LRRC75A: variants seen among roughly 807,000 people sequenced by gnomAD.
The protein encoded by LRRC75A is leucine rich repeat containing 75A, also known as leucine-rich repeat-containing protein 75A.
A neutral mutation model predicts 26.0 loss-of-function variants in LRRC75A; 12 were observed. That is an observed-to-expected ratio of 0.46 (90% confidence interval 0.30 to 0.75). The LOEUF is 0.75. Among genes scored for constraint, LRRC75A ranks in the 30% least tolerant of loss-of-function variants. The pLI is 0.08. For synonymous variants in LRRC75A, 223 were observed against 219.3 expected (o/e 1.02, Z -0.15); for missense variants, 410 against 486.6 (o/e 0.84, Z 1.48).
At chr17:16,453,954 G>A (rs1311572200) in intron 2 of LRRC75A, among the ~76,000 whole-genome samples, 1 of 152,170 alleles carries the variant, frequency 6.6e-6, no homozygotes, top group African/African-American at 2.4e-5. Context: ...CAGAGGGGTA[G>A]GAAGGAACAC....
chr17:16,447,801 C>T (rs1417903561), intron 3 of LRRC75A, 44 bp downstream of exon 3: 3 of 1,417,462 alleles, frequency 2.1e-6, no homozygotes, highest in East Asian at 2.5e-5. Context: ...CCCTGTAACA[C>T]ACACTCAGCC....
intron 2 of LRRC75A, among the ~76,000 whole-genome samples, chr17:16,456,568 G>C (rs936938996): frequency 2.0e-5 from 3 of 152,160 alleles, no homozygotes; most frequent in Admixed American, 6.5e-5. Context: ...ACCCTGAGAA[G>C]TAACCTGGGA....
At chr17:16,487,699 T>C (rs2093849794) in intron 1 of LRRC75A, among the ~76,000 whole-genome samples, 1 of 152,202 alleles carries the variant, frequency 6.6e-6, no homozygotes, top group South Asian at 2.1e-4. Context: ...CCTCCTAAAG[T>C]ACTGGGATTA....
At chr17:16,452,313 C>T (rs568164359) in intron 2 of LRRC75A, among the ~76,000 whole-genome samples, 1 of 151,366 alleles carries the variant, frequency 6.6e-6, no homozygotes, top group Admixed American at 6.5e-5. Flanking sequence ...CGTGATCACA[C>T]CTCTGCACTC....
chr17:16,485,631 A>AGTGTGTGTGTGTGTGTGTGTGTGTCTGT (rs1568987867), intron 1 of LRRC75A, among the ~76,000 whole-genome samples: 43 of 128,478 alleles, frequency 3.3e-4, no homozygotes, highest in Non-Finnish European at 3.6e-4. Context: ...CAGGACAAGC[A>AGTGTGTGTGTGTGTGTGTGTGTGTCTGT]GTGTGTGTGT....
At chr17:16,453,342 G>A (rs113044039) in intron 2 of LRRC75A, among the ~76,000 whole-genome samples, 3 of 129,106 alleles carry the variant, frequency 2.3e-5, no homozygotes, top group East Asian at 2.0e-4. Context: ...ACGCACACAC[G>A]CACACGCACA....
chr17:16,445,158 A>ATT (rs766449990), intron 3 of LRRC75A, among the ~76,000 whole-genome samples: 4,177 of 69,634 alleles, frequency 0.06, 562 homozygotes, highest in Middle Eastern at 0.22. Flanking sequence ...CATTTTCTGC[A>ATT]TTTTTTTTTT....
chr17:16,482,676 C>T (rs1056477902), intron 1 of LRRC75A, among the ~76,000 whole-genome samples: 9 of 152,242 alleles, frequency 5.9e-5, no homozygotes, highest in African/African-American at 1.9e-4. Flanking sequence ...GCCCCCATGG[C>T]CAGAGACAAG....
chr17:16,452,243 G>C (rs1163790051), intron 2 of LRRC75A, among the ~76,000 whole-genome samples: 7 of 146,688 alleles, frequency 4.8e-5, no homozygotes, highest in African/African-American at 1.8e-4. Flanking sequence ...TGCAGTCCCA[G>C]CTACCCGGGA....
chr17:16,462,291 G>C lies in LRRC75A; in HGVS notation c.342C>G (p.Ile114Met). The change falls in exon 2 of 4, where the codon ATC (isoleucine) becomes ATG (methionine). Residue 114 changes from isoleucine (I) to methionine (M), a missense_variant. Ile to Met is a conservative substitution (Grantham distance 10). Coordinates refer to ENST00000470794, the MANE Select transcript of LRRC75A (RefSeq NM_001113567.3). The surrounding 1 kb of genome is among the most constrained non-coding windows in gnomAD (Gnocchi z 4.6). Reference protein sequence around the residue: ...LVDPITHDLIISLARYIHCPK... With the variant: ...LVDPITHDLIMSLARYIHCPK... ...GACAGTGGATGTAGCGTGCCAGGCTGATGATGAGGTCGTGTGTGATGGGGT... is the reference window on the plus strand; with the variant it reads ...GACAGTGGATGTAGCGTGCCAGGCTCATGATGAGGTCGTGTGTGATGGGGT... 6.2e-7 allele frequency: 1 copy of C among 1,614,138 alleles called. No homozygotes were observed. The highest frequency in any genetic ancestry group is 8.5e-7 in the Non-Finnish European group (1 of 1,180,008).
At position 16,476,572 on chromosome 17, in the gene LRRC75A, C is replaced by CT. The variant is rs1049920765; in HGVS notation, c.247-14187dup. Among the ~76,000 whole-genome samples the CT allele has an allele frequency of 3.9e-3, 572 of 145,696 alleles. 2 individuals carry two copies. Among genetic ancestry groups the CT allele is most frequent in the African/African-American group, 0.012 (491 of 39,778 alleles). ...TTTCACATGTAGGTATTTCAGATTT[C>CT]TTTTTTTTTTGAGGCTGAATTTCAC... On this transcript the variant is annotated intron_variant, in intron 1 of 3. Coordinates refer to ENST00000470794, the MANE Select transcript of LRRC75A (RefSeq NM_001113567.3).
At chr17:16,472,198 A>G (rs1457601599) in intron 1 of LRRC75A, among the ~76,000 whole-genome samples, 1 of 152,116 alleles carries the variant, frequency 6.6e-6, no homozygotes, top group Non-Finnish European at 1.5e-5. Flanking sequence ...GGTGGCCACT[A>G]AGGGTTGCCC....
At chr17:16,454,472 A>G (rs1191791485) in intron 2 of LRRC75A, among the ~76,000 whole-genome samples, 1 of 151,934 alleles carries the variant, frequency 6.6e-6, no homozygotes, top group East Asian at 1.9e-4. Context: ...GGGGCGGATC[A>G]CCTGAGGTTG....
intron 1 of LRRC75A, among the ~76,000 whole-genome samples, chr17:16,468,924 G>C (rs2093789610): frequency 6.6e-6 from 1 of 152,150 alleles, no homozygotes; most frequent in Admixed American, 6.5e-5. Context: ...ATAGGAGGGG[G>C]CAGGGGAGGG....
intron 1 of LRRC75A, among the ~76,000 whole-genome samples, chr17:16,483,858 C>T (rs1481169261): frequency 2.0e-5 from 3 of 152,200 alleles, no homozygotes; most frequent in African/African-American, 7.2e-5. Flanking sequence ...CCTGTTGCAT[C>T]CCCAGTTCCT....
chr17:16,487,872 C>T (rs79029986), intron 1 of LRRC75A, among the ~76,000 whole-genome samples: 1 of 152,352 alleles, frequency 6.6e-6, no homozygotes, highest in East Asian at 1.9e-4. Context: ...AACAAGTTAA[C>T]ATAGGAACAG....
Position 16,441,727 on chromosome 17 carries a change from A to C in LRRC75A, c.*1861T>G. ...TACAGCTCACAGCACACCTGGCTAAAATTTTTTTTTTGTTGAGACGGATTC... is the reference window on the plus strand; with the variant it reads ...TACAGCTCACAGCACACCTGGCTAACATTTTTTTTTTGTTGAGACGGATTC... On this transcript the variant is annotated 3_prime_UTR_variant, in exon 4 of 4. Transcript: ENST00000470794. 2 of 234,584 alleles carry C rather than the reference A, an allele frequency of 8.5e-6. No individual in the cohort carries two copies. The highest frequency in any genetic ancestry group is 2.3e-5 in the African/African-American group (1 of 43,328). 14.5% of individuals were successfully genotyped at this position (234,584 alleles called of 1,614,324 possible).
At chr17:16,446,409 G>A (rs12602853) in intron 3 of LRRC75A, among the ~76,000 whole-genome samples, 55,865 of 151,946 alleles carry the variant, frequency 0.37, 10,573 homozygotes, top group Non-Finnish European at 0.38. Flanking sequence ...GTAGCGTGTG[G>A]ACTGACACAT....
At position 16,444,093 on chromosome 17, in the gene LRRC75A, G is replaced by T. The variant is rs767706893; in HGVS notation, c.530C>A (p.Thr177Lys). 1.2e-5 allele frequency: 19 copies of T among 1,610,136 alleles called. No homozygotes were observed. In the East Asian group the frequency reaches 4.2e-4, roughly 36 times the overall value. ...AVLAGSPPDN[T>K]VDLSGIPLTS... ...CAGTGGGATTCCCGACAGGTCCACT[G>T]TGTTGTCTGGGGGGCTTCCGGCCAG... Residue 177 changes from threonine (T) to lysine (K), a missense_variant, in exon 4 of 4, where the codon ACA (threonine) becomes AAA (lysine). Thr to Lys is a moderately conservative substitution (Grantham distance 78). Transcript: ENST00000470794.
Sources: gnomAD v4.1 joint callset for allele counts (sites outside exome capture counted in the v4.1 genomes callset) on GRCh38, gnomAD v4.1.1 for gene constraint, Gnocchi (gnomAD v3.1) non-coding constraint, MANE v1.5 for transcripts, NCBI Gene and HGNC (gene_info 2026-07-23, HGNC 2026-07-21) for gene names.